The following TFEC variants were observed in gnomAD, a reference collection of about 807,000 sequenced individuals.
TFEC encodes the protein transcription factor EC.
Under a neutral mutation model 41.6 loss-of-function variants are expected in TFEC, and 31 were observed. That is an observed-to-expected ratio of 0.74 (90% CI 0.56 to 1.01). The LOEUF (loss-of-function observed/expected upper bound fraction) is 1.01, where lower values mean the gene tolerates loss of function less well. Ranked by LOEUF, TFEC falls within the 50% of genes least tolerant of loss-of-function variation. TFEC has a pLI of 0.00. For synonymous variants in TFEC, 143 were observed against 140.6 expected (o/e 1.02, Z -0.12); for missense variants, 402 against 404.1 (o/e 0.99, Z 0.04).
chr7:116,109,573 C>T (rs1186617571), intron 3 of TFEC, among the ~76,000 whole-genome samples: 5 of 152,104 alleles, frequency 3.3e-5, no homozygotes, highest in Non-Finnish European at 5.9e-5. Context: ...AGTCAGGAAA[C>T]GACAGATGCT....
At chr7:116,085,251 T>G (rs921130274) in intron 3 of TFEC, among the ~76,000 whole-genome samples, 2 of 151,838 alleles carry the variant, frequency 1.3e-5, no homozygotes, top group Non-Finnish European at 2.9e-5. Flanking sequence ...ATGCAGAATG[T>G]TTTAGACTAT....
chr7:116,060,139 G>A (rs964632750), intron 3 of TFEC, among the ~76,000 whole-genome samples: 2 of 152,010 alleles, frequency 1.3e-5, no homozygotes, highest in Non-Finnish European at 2.9e-5. Context: ...AAATCAATAT[G>A]TAAAAATGAA....
chr7:115,998,560 C>T (rs1293742201), intron 1 of TFEC, among the ~76,000 whole-genome samples: 2 of 150,624 alleles, frequency 1.3e-5, no homozygotes, highest in South Asian at 2.1e-4. Flanking sequence ...AAAAAAAACA[C>T]ACAACAATCT....
chr7:116,140,349 ATG>A (rs1307151458), intron 1 of TFEC, among the ~76,000 whole-genome samples: 2 of 152,188 alleles, frequency 1.3e-5, no homozygotes, highest in African/African-American at 4.8e-5. Flanking sequence ...AATTTAATCT[ATG>A]TGTTCTGTTT....
Position 115,962,713 on chromosome 7 carries a change from A to T in TFEC, c.268-5920T>A, listed in dbSNP as rs975657587. Among the ~76,000 whole-genome samples, 67 of 151,864 alleles carry T rather than the reference A, an allele frequency of 4.4e-4. 1 individual carries two copies. The Admixed American group carries it at 4.4e-3, about 10-fold the overall frequency. On this transcript the variant is annotated intron_variant, in intron 3 of 7. Transcript: ENST00000265440. ...CTCAAAATGGATCAAATACATAAAC[A>T]TAAGAAAAAAATCTATAAAACAACC... is the stretch of plus-strand genomic sequence containing the variant.
intron 3 of TFEC, among the ~76,000 whole-genome samples, chr7:116,066,072 C>A (rs1015797699): frequency 1.3e-5 from 2 of 152,178 alleles, no homozygotes; most frequent in South Asian, 2.1e-4. Context: ...CTAGCAAAGC[C>A]CATTACAGAC....
intron 2 of TFEC, among the ~76,000 whole-genome samples, chr7:115,982,279 T>C (rs1793664136): frequency 6.6e-6 from 1 of 151,878 alleles, no homozygotes; most frequent in African/African-American, 2.4e-5. Flanking sequence ...GCCCTTGTGT[T>C]AAAAATTTAA....
At chr7:116,046,491 T>C (rs1020024908) in intron 3 of TFEC, among the ~76,000 whole-genome samples, 1 of 152,164 alleles carries the variant, frequency 6.6e-6, no homozygotes, top group Non-Finnish European at 1.5e-5. Context: ...AAGGCCTTCC[T>C]AGCCATGTGG....
chr7:115,992,935 C>T (rs1794190704), intron 1 of TFEC, among the ~76,000 whole-genome samples: 1 of 152,190 alleles, frequency 6.6e-6, no homozygotes, highest in Non-Finnish European at 1.5e-5. Context: ...CCCTGATTAA[C>T]ATTGATGCAA....
At chr7:116,000,236 GA>G (rs1794536523) in intron 1 of TFEC, among the ~76,000 whole-genome samples, 1 of 151,826 alleles carries the variant, frequency 6.6e-6, no homozygotes, top group Non-Finnish European at 1.5e-5. Context: ...AATTGATATG[GA>G]AAAAAGCATT....
chr7:116,123,311 C>A (rs2116232407), intron 1 of TFEC, among the ~76,000 whole-genome samples: 1 of 152,136 alleles, frequency 6.6e-6, no homozygotes, highest in South Asian at 2.1e-4. Flanking sequence ...TTGGATCCAA[C>A]CTCTCCTTTT....
chr7:116,074,580 T>C (rs1283183990), intron 3 of TFEC, among the ~76,000 whole-genome samples: 1 of 152,100 alleles, frequency 6.6e-6, no homozygotes. Context: ...CACACTAAGA[T>C]AGCTAAAGCA....
At chr7:116,103,715 G>A (rs1797655243) in intron 3 of TFEC, among the ~76,000 whole-genome samples, 1 of 152,092 alleles carries the variant, frequency 6.6e-6, no homozygotes, top group African/African-American at 2.4e-5. Flanking sequence ...TAGTATCTAT[G>A]TCTCCGGACA....
intron 6 of TFEC, among the ~76,000 whole-genome samples, chr7:115,950,104 T>C (rs941319231): frequency 8.1e-5 from 12 of 148,712 alleles, no homozygotes; most frequent in Admixed American, 2.0e-4. Context: ...CTCTGCCCCC[T>C]AGGTTCAAGC....
chr7:115,974,315 C>G (rs1169793484), intron 2 of TFEC, 59 bp from the exon 3 acceptor site: 1 of 1,321,364 alleles, frequency 7.6e-7, no homozygotes, highest in African/African-American at 1.5e-5. Context: ...GTGCTTCAGT[C>G]TGAAAACAGA....
chr7:116,127,476 A>G (rs1257230213), intron 1 of TFEC, among the ~76,000 whole-genome samples: 1 of 152,096 alleles, frequency 6.6e-6, no homozygotes, highest in Non-Finnish European at 1.5e-5. Context: ...ATATGTTTGC[A>G]CTTACTTCCA....
At chr7:116,118,466 A>G (rs1462009572) in intron 1 of TFEC, among the ~76,000 whole-genome samples, 2 of 151,776 alleles carry the variant, frequency 1.3e-5, no homozygotes, top group Admixed American at 6.6e-5. Flanking sequence ...AGCTAAAACC[A>G]TTTCTTTTGA....
chr7:116,065,130 T>C (rs531160459), intron 3 of TFEC, among the ~76,000 whole-genome samples: 1 of 152,238 alleles, frequency 6.6e-6, no homozygotes, highest in African/African-American at 2.4e-5. Flanking sequence ...TGATCTTTCC[T>C]TGGAAACCAG....
chr7:116,054,656 T>G (rs983523829), intron 3 of TFEC, among the ~76,000 whole-genome samples: 2 of 152,166 alleles, frequency 1.3e-5, no homozygotes, highest in Non-Finnish European at 2.9e-5. Context: ...TTTTTTTAAA[T>G]GAATATTTTT....
Sources: gnomAD v4.1 joint callset for allele counts (sites outside exome capture counted in the v4.1 genomes callset) on GRCh38, gnomAD v4.1.1 for gene constraint, MANE v1.5 for transcripts, NCBI Gene and HGNC (gene_info 2026-07-23, HGNC 2026-07-21) for gene names.